The following PLEKHB1 variants were observed in gnomAD, a reference collection of about 807,000 sequenced individuals.
The protein encoded by PLEKHB1 is pleckstrin homology domain containing B1.
In PLEKHB1, 29 loss-of-function variants were observed where a neutral mutation model predicts 36.2. The observed-to-expected ratio is 0.80, with a 90% CI of 0.60 to 1.09. The LOEUF (loss-of-function observed/expected upper bound fraction) is 1.09. PLEKHB1 is among the 50% of genes least tolerant of loss of function. The probability of loss-of-function intolerance (pLI) is 0.00; values close to 1 mark genes in which losing one functional copy is unlikely to be tolerated. For synonymous variants in PLEKHB1, 138 were observed against 140.0 expected, an observed-to-expected ratio of 0.99 and a Z score of 0.10; for missense variants, 330 against 348.2, an observed-to-expected ratio of 0.95 and a Z score of 0.42.
In PLEKHB1 at chr11:73,655,804, C is replaced by A. The variant is rs753607360; in HGVS notation, c.392C>A (p.Ala131Asp). 1.5e-5 allele frequency: 24 copies of A among 1,613,092 alleles called. No homozygotes were observed. The African/African-American group carries it at 2.9e-4, about 20-fold the overall frequency. The change falls in exon 6 of 8, where the codon GCC becomes GAC. Residue 131 changes from alanine (A) to aspartate (D), a missense_variant and splice_region_variant. Coordinates refer to ENST00000354190, the MANE Select transcript of PLEKHB1 (RefSeq NM_021200.3). The part of the protein sequence containing the change: ...TALLEANSTP[A>D]PAGATVPPRS... The stretch of plus-strand genomic sequence containing the variant: ...CTTGGGTTTCTGTGGCTTGAGCAGG[C>A]CCCAGCTGGAGCCACCGTCCCTCCC...
intron 6 of PLEKHB1, 123 bp from the exon 7 acceptor site, chr11:73,660,630 C>G: frequency 5.7e-6 from 5 of 870,562 alleles, no homozygotes. Context: ...TGGCTGGAGG[C>G]CCATTTCTAA....
At chr11:73,648,881 G>A (rs1944824375) in intron 1 of PLEKHB1, 131 bp from the exon 2 acceptor site, 1 of 1,431,902 alleles carries the variant, frequency 7.0e-7, no homozygotes, top group Non-Finnish European at 9.2e-7. Flanking sequence ...AGGAGGCCGA[G>A]GCCGCCTGGC....
At chr11:73,657,967 GC>G (rs1945026890) in intron 6 of PLEKHB1, among the ~76,000 whole-genome samples, 1 of 152,152 alleles carries the variant, frequency 6.6e-6, no homozygotes, top group South Asian at 2.1e-4. Context: ...TTCCAGTCTG[GC>G]CCTGTATTTG....
intron 6 of PLEKHB1, among the ~76,000 whole-genome samples, chr11:73,659,155 G>A (rs1260799564): frequency 6.6e-6 from 1 of 151,974 alleles, no homozygotes; most frequent in Non-Finnish European, 1.5e-5. Context: ...GAACCCGGGA[G>A]GCGGAGGTTG....
At chr11:73,646,693 G>A (rs1184111942) in intron 1 of PLEKHB1, 67 bp downstream of exon 1, 12 of 1,515,602 alleles carry the variant, frequency 7.9e-6, no homozygotes, top group Non-Finnish European at 1.1e-5. Flanking sequence ...GCCACATAGG[G>A]GACGGGACAG....
intron 5 of PLEKHB1, among the ~76,000 whole-genome samples, chr11:73,655,086 G>A (rs1008146898): frequency 5.3e-5 from 8 of 152,114 alleles, no homozygotes; most frequent in African/African-American, 7.2e-5. Flanking sequence ...AAAGAGAGGC[G>A]GAGGGAAGGA....
At chr11:73,651,453 C>A (rs554220669) in intron 3 of PLEKHB1, 3 of 517,700 alleles carry the variant, frequency 5.8e-6, no homozygotes, top group South Asian at 4.6e-5. Context: ...GCCCTCCAGG[C>A]GCTCGGTACT....
In PLEKHB1 at chr11:73,660,852, G is replaced by C; in HGVS notation, c.595G>C (p.Gly199Arg). 1.3e-6 allele frequency: 2 copies of C among 1,584,554 alleles called. No individual in the cohort carries two copies. The highest frequency in any genetic ancestry group is 2.3e-5 in the South Asian group (2 of 86,080). The change falls in exon 7 of 8, where the codon GGC becomes CGC. Residue 199 changes from glycine (G) to arginine (R), a missense_variant and splice_region_variant. Transcript: ENST00000354190. ...CAGCTACTACGGACCGCCCTACGCA[G>C]GTAAGTCTCCAGCGTGCCCCGGGGC... ...VRSYYGPPYA[G>R]PGVTHVIVRE...
chr11:73,652,458 GA>G (rs1944916318), intron 4 of PLEKHB1: 2 of 161,144 alleles, frequency 1.2e-5, no homozygotes, highest in Admixed American at 6.2e-5. Flanking sequence ...GGAGGAGAGT[GA>G]AAGAGATGGG....
chr11:73,653,082 A>G, intron 5 of PLEKHB1, 68 bp downstream of exon 5: 1 of 1,498,012 alleles, frequency 6.7e-7, no homozygotes, highest in South Asian at 1.2e-5. Context: ...AGTGACTCAG[A>G]CTCGGTCTCC....
chr11:73,647,922 G>A, intron 1 of PLEKHB1: 2 of 985,504 alleles, frequency 2.0e-6, no homozygotes, highest in Non-Finnish European at 2.4e-6. Flanking sequence ...GAGGGGCGGA[G>A]GCACCCGCTG....
At chr11:73,650,238 A>G (rs1944859965) in intron 2 of PLEKHB1, among the ~76,000 whole-genome samples, 2 of 152,174 alleles carry the variant, frequency 1.3e-5, no homozygotes. Context: ...GAGAAGATGC[A>G]GGCTTAAGGT....
chr11:73,652,004 C>A, intron 4 of PLEKHB1, 114 bp downstream of exon 4: 1 of 903,264 alleles, frequency 1.1e-6, no homozygotes, highest in Non-Finnish European at 1.7e-6. Context: ...TAAGGCCAGT[C>A]AGCAAGGGAG....
chr11:73,650,698 G>A lies in PLEKHB1; in HGVS notation c.240G>A (p.Glu80=), dbSNP rs1237676516. 3 of 1,603,878 alleles carry A rather than the reference G, an allele frequency of 1.9e-6. No homozygotes were observed. Among genetic ancestry groups the A allele is most frequent in the African/African-American group, 1.3e-5 (1 of 74,832 alleles). Residue 80 remains glutamate (E), a synonymous_variant, in exon 3 of 8, where the codon GAG becomes GAA. Transcript: ENST00000354190. ...FNVRDIKIGP[E]CHDVQPPEGR... is the part of the protein sequence containing the mutation. ...TCCGTGACATAAAGATCGGCCCAGA[G>A]TGCCATGGTGAGCAGAAGCCCCTTC...
chr11:73,659,589 G>GC (rs1409201909), intron 6 of PLEKHB1, among the ~76,000 whole-genome samples: 1 of 152,132 alleles, frequency 6.6e-6, no homozygotes, highest in Non-Finnish European at 1.5e-5. Context: ...TGCAAGAAAG[G>GC]CCAGGAGAAA....
chr11:73,657,399 A>T (rs371098162), intron 6 of PLEKHB1, among the ~76,000 whole-genome samples: 13 of 152,302 alleles, frequency 8.5e-5, no homozygotes, highest in African/African-American at 3.1e-4. Context: ...GATTTAACAG[A>T]CTGTAAACCT....
Position 73,660,842 on chromosome 11 carries a change from G to T in PLEKHB1, c.585G>T (p.Pro195=). 6.3e-7 allele frequency: 1 copy of T among 1,586,346 alleles called. No individual in the cohort carries two copies. The highest frequency in any genetic ancestry group is 8.6e-7 in the Non-Finnish European group (1 of 1,169,500). The change falls in exon 7 of 8, where the codon CCG becomes CCT. Residue 195 remains proline, a synonymous_variant. Transcript: ENST00000354190. ...EATYVRSYYG[P]PYAGPGVTHV... ...CGTATGTCCGCAGCTACTACGGACC[G>T]CCCTACGCAGGTAAGTCTCCAGCGT...
intron 6 of PLEKHB1, among the ~76,000 whole-genome samples, chr11:73,658,177 A>T (rs1945030830): frequency 6.6e-6 from 1 of 152,222 alleles, no homozygotes; most frequent in African/African-American, 2.4e-5. Context: ...GGACCCCAAC[A>T]GAACCTGAGG....
intron 6 of PLEKHB1, 135 bp from the exon 7 acceptor site, chr11:73,660,618 A>T: frequency 1.3e-6 from 1 of 762,254 alleles, no homozygotes; most frequent in Non-Finnish European, 2.2e-6. Context: ...AGAGCTTGCT[A>T]GTGGCTGGAG....
Sources: gnomAD v4.1 joint callset for allele counts (sites outside exome capture counted in the v4.1 genomes callset) on GRCh38, gnomAD v4.1.1 for gene constraint, MANE v1.5 for transcripts, NCBI Gene and HGNC (gene_info 2026-07-23, HGNC 2026-07-21) for gene names.